TUBGCP3: variants seen among roughly 807,000 people sequenced by gnomAD.
TUBGCP3 encodes gamma-tubulin complex component 3.
Under a neutral mutation model 123.1 loss-of-function variants are expected in TUBGCP3, and 50 were observed. That is an observed-to-expected ratio of 0.41 (90% CI 0.32 to 0.51). TUBGCP3 has a LOEUF of 0.51. Among genes scored for constraint, TUBGCP3 ranks in the 20% least tolerant of loss-of-function variants. The probability of loss-of-function intolerance (pLI) is 0.36; values close to 1 mark genes in which losing one functional copy is unlikely to be tolerated. For missense variants in TUBGCP3, 882 were observed against 1,127.0 expected (o/e 0.78, Z 3.11); for synonymous variants, 405 against 413.9 (o/e 0.98, Z 0.26).
intron 14 of TUBGCP3, 45 bp downstream of exon 14, chr13:112,522,275 T>G (rs750310616): frequency 5.8e-6 from 8 of 1,373,258 alleles, no homozygotes; most frequent in Non-Finnish European, 6.8e-6. Flanking sequence ...TTCCTTATCA[T>G]GTCAAATATA....
At chr13:112,527,920 G>T (rs1877266213) in intron 11 of TUBGCP3, among the ~76,000 whole-genome samples, 1 of 152,242 alleles carries the variant, frequency 6.6e-6, no homozygotes, top group East Asian at 1.9e-4. Flanking sequence ...GAGGTGCCCA[G>T]GCCGGCGTCC....
intron 5 of TUBGCP3, 55 bp downstream of exon 5, chr13:112,558,141 C>T: frequency 1.3e-6 from 2 of 1,531,564 alleles, no homozygotes; most frequent in Non-Finnish European, 1.8e-6. Flanking sequence ...TAACAGCCTG[C>T]AGGCGTCTCT....
intron 3 of TUBGCP3, among the ~76,000 whole-genome samples, chr13:112,561,313 AG>A (rs1371775548): frequency 6.6e-6 from 1 of 152,198 alleles, no homozygotes; most frequent in African/African-American, 2.4e-5. Context: ...AGGACCAAGG[AG>A]CCAAGCTGCT....
At chr13:112,552,236 T>C (rs773009318) in intron 8 of TUBGCP3, among the ~76,000 whole-genome samples, 11 of 152,266 alleles carry the variant, frequency 7.2e-5, no homozygotes, top group Non-Finnish European at 1.5e-4. Flanking sequence ...GGTTTAGTTA[T>C]CCTGTATTGA....
At chr13:112,530,505 C>T (rs976916390) in intron 11 of TUBGCP3, among the ~76,000 whole-genome samples, 3 of 152,226 alleles carry the variant, frequency 2.0e-5, no homozygotes, top group Admixed American at 6.5e-5. Flanking sequence ...TTCCAACCAA[C>T]GGCGCACACA....
intron 8 of TUBGCP3, among the ~76,000 whole-genome samples, chr13:112,552,003 C>G (rs990881641): frequency 2.6e-5 from 4 of 152,196 alleles, no homozygotes; most frequent in Non-Finnish European, 5.9e-5. Context: ...AGGGATCACA[C>G]TCCTATGAAA....
chr13:112,574,298 T>C (rs1322553050), intron 1 of TUBGCP3, among the ~76,000 whole-genome samples: 1 of 139,184 alleles, frequency 7.2e-6, no homozygotes, highest in Non-Finnish European at 1.5e-5. Flanking sequence ...ACAGAGAATC[T>C]TCAAGTGAGC....
At chr13:112,512,481 C>A (rs934822644) in intron 17 of TUBGCP3, among the ~76,000 whole-genome samples, 3 of 149,216 alleles carry the variant, frequency 2.0e-5, no homozygotes. Context: ...CGCCTGTAAT[C>A]CCAGCACTGG....
chr13:112,544,180 G>A (rs528921107), intron 11 of TUBGCP3, among the ~76,000 whole-genome samples: 98 of 152,026 alleles, frequency 6.4e-4, no homozygotes, highest in African/African-American at 2.1e-3. Context: ...CAGGCCGGGC[G>A]CAGTGGCTCA....
intron 17 of TUBGCP3, among the ~76,000 whole-genome samples, chr13:112,509,024 A>C (rs1289987621): frequency 6.6e-6 from 1 of 152,208 alleles, no homozygotes; most frequent in African/African-American, 2.4e-5. Context: ...ACCTGAATCC[A>C]GACCTTCAGG....
chr13:112,493,569 A>G (rs1287457162), intron 20 of TUBGCP3, among the ~76,000 whole-genome samples: 178 of 80,372 alleles, frequency 2.2e-3, no homozygotes, highest in Middle Eastern at 0.015. Flanking sequence ...GTGTCCCTGA[A>G]ACGCTCTAGC....
At chr13:112,586,306 T>C (rs1184221338) in intron 1 of TUBGCP3, among the ~76,000 whole-genome samples, 1 of 151,770 alleles carries the variant, frequency 6.6e-6, no homozygotes, top group Non-Finnish European at 1.5e-5. Context: ...AATTTCAAAA[T>C]CCAATTATAA....
At chr13:112,557,961 G>A (rs377684524) in intron 5 of TUBGCP3, among the ~76,000 whole-genome samples, 1 of 152,242 alleles carries the variant, frequency 6.6e-6, no homozygotes, top group Non-Finnish European at 1.5e-5. Context: ...TCAGTGACAG[G>A]TGAGAGCTGG....
chr13:112,588,256 C>G (rs1336014514), upstream of TUBGCP3: 1 of 299,094 alleles, frequency 3.3e-6, no homozygotes, highest in Non-Finnish European at 6.2e-6. Context: ...TGCTGCTGCC[C>G]GGTCGGCCGA....
intron 20 of TUBGCP3, among the ~76,000 whole-genome samples, chr13:112,496,271 GAAAC>G (rs1273251206): frequency 1.3e-5 from 2 of 152,214 alleles, no homozygotes; most frequent in Non-Finnish European, 2.9e-5. Context: ...AAAGTGGAAA[GAAAC>G]AGAAGAGCCA....
At chr13:112,565,808 A>C (rs9635136) in intron 2 of TUBGCP3, among the ~76,000 whole-genome samples, 2 of 151,864 alleles carry the variant, frequency 1.3e-5, no homozygotes, top group Non-Finnish European at 2.9e-5. Context: ...GTTAGCGGGC[A>C]CCTGTAGTCC....
upstream of TUBGCP3, among the ~76,000 whole-genome samples, chr13:112,592,266 T>C (rs1414819221): frequency 6.6e-6 from 1 of 152,234 alleles, no homozygotes; most frequent in Non-Finnish European, 1.5e-5. The surrounding 1 kb of genome is among the most constrained non-coding windows in gnomAD (Gnocchi z 4.1). Flanking sequence ...GCTTCAATAC[T>C]GGTTCTTAAA....
At chr13:112,531,700 T>C (rs1023692696) in intron 11 of TUBGCP3, among the ~76,000 whole-genome samples, 1 of 152,128 alleles carries the variant, frequency 6.6e-6, no homozygotes, top group Non-Finnish European at 1.5e-5. Context: ...AAGCACTGCT[T>C]CATCTAAGGG....
chr13:112,548,533 T>C (rs1250681265), intron 8 of TUBGCP3, among the ~76,000 whole-genome samples: 2 of 152,170 alleles, frequency 1.3e-5, no homozygotes, highest in Non-Finnish European at 2.9e-5. Flanking sequence ...GAAACTACCA[T>C]CAGAGTCAAC....
Sources: allele counts gnomAD v4.1 joint callset (sites outside exome capture counted in the v4.1 genomes callset), GRCh38; gene constraint gnomAD v4.1.1; non-coding constraint Gnocchi (gnomAD v3.1); transcripts MANE v1.5; gene names NCBI Gene and HGNC (gene_info 2026-07-23, HGNC 2026-07-21).